Variants in DLGAP1 observed in about 807,000 individuals in gnomAD.
DLGAP1 encodes the protein disks large-associated protein 1.
A neutral mutation model predicts 90.8 loss-of-function variants in DLGAP1; 11 were observed. The ratio of observed to expected loss-of-function variants is 0.12; its 90% CI spans 0.08 to 0.20. The LOEUF is 0.20. Among genes scored for constraint, DLGAP1 ranks in the 10% least tolerant of loss-of-function variants. The probability of loss-of-function intolerance (pLI) is 1.00; values close to 1 mark genes in which losing one functional copy is unlikely to be tolerated. For missense variants in DLGAP1, 1,050 were observed against 1,333.8 expected, an observed-to-expected ratio of 0.79 and a Z score of 3.31; for synonymous variants, 558 against 540.7, an observed-to-expected ratio of 1.03 and a Z score of -0.44.
intron 4 of DLGAP1, among the ~76,000 whole-genome samples, chr18:3,845,935 T>G (rs1248378675): frequency 6.6e-6 from 1 of 152,220 alleles, no homozygotes; most frequent in Non-Finnish European, 1.5e-5. Context: ...TCATTCATTT[T>G]CTTCAAAAGA....
intron 7 of DLGAP1, among the ~76,000 whole-genome samples, chr18:3,624,880 C>G (rs2058234644): frequency 6.6e-6 from 1 of 151,958 alleles, no homozygotes. Context: ...TAAGACCCAC[C>G]CAGGTAGTAC....
intron 5 of DLGAP1, among the ~76,000 whole-genome samples, chr18:3,808,131 A>T (rs1053725951): frequency 2.0e-5 from 3 of 152,152 alleles, no homozygotes; most frequent in Non-Finnish European, 4.4e-5. Context: ...TTCTTTTTTA[A>T]ATAAAGCTGA....
intron 2 of DLGAP1, among the ~76,000 whole-genome samples, chr18:4,124,109 A>T (rs1211441215): frequency 6.6e-6 from 1 of 152,190 alleles, no homozygotes; most frequent in African/African-American, 2.4e-5. Context: ...TTTTCTTCAC[A>T]ACTGACTGCT....
intron 2 of DLGAP1, among the ~76,000 whole-genome samples, chr18:4,125,853 T>A (rs755217988): frequency 6.6e-5 from 10 of 152,104 alleles, no homozygotes; most frequent in Non-Finnish European, 1.5e-4. Context: ...GTCCTAAAAT[T>A]AGAGCAGGGC....
intron 2 of DLGAP1, among the ~76,000 whole-genome samples, chr18:4,126,104 G>T (rs572500574): frequency 2.0e-5 from 3 of 152,306 alleles, no homozygotes; most frequent in African/African-American, 7.2e-5. Context: ...TGAAGCACCT[G>T]GCCAAGGCAG....
intron 4 of DLGAP1, among the ~76,000 whole-genome samples, chr18:3,834,612 G>A (rs1001738984): frequency 5.3e-5 from 8 of 152,104 alleles, no homozygotes; most frequent in Non-Finnish European, 1.0e-4. Flanking sequence ...GAATGTGTAC[G>A]TACACATATA....
At chr18:4,113,996 C>A (rs1051442546) in intron 2 of DLGAP1, among the ~76,000 whole-genome samples, 1 of 146,926 alleles carries the variant, frequency 6.8e-6, no homozygotes, top group African/African-American at 2.5e-5. Context: ...CAGTACCATG[C>A]TGTTTTAATT....
At chr18:4,322,949 A>C (rs999415744) in intron 1 of DLGAP1, among the ~76,000 whole-genome samples, 14,571 of 97,608 alleles carry the variant, frequency 0.15, 298 homozygotes, top group East Asian at 0.24. Flanking sequence ...CACAGAAAAA[A>C]AAAAAAAAAA....
At chr18:3,534,979 A>G (rs1419726619) in intron 9 of DLGAP1, among the ~76,000 whole-genome samples, 1 of 151,916 alleles carries the variant, frequency 6.6e-6, no homozygotes, top group East Asian at 1.9e-4. Context: ...GGTGTGAGCC[A>G]CCGTGCCTGG....
chr18:3,563,887 C>T (rs1202635348), intron 9 of DLGAP1, among the ~76,000 whole-genome samples: 5 of 152,146 alleles, frequency 3.3e-5, no homozygotes, highest in Admixed American at 3.3e-4. Context: ...CAAAGATATT[C>T]TTTGTTTCTA....
intron 1 of DLGAP1, among the ~76,000 whole-genome samples, chr18:4,196,210 T>C (rs1568445233): frequency 6.6e-6 from 1 of 152,062 alleles, no homozygotes; most frequent in Admixed American, 6.5e-5. Flanking sequence ...AAAGGAGACA[T>C]AGGAGAGCTC....
At chr18:3,507,825 C>T (rs1245335168) in intron 11 of DLGAP1, among the ~76,000 whole-genome samples, 1 of 150,954 alleles carries the variant, frequency 6.6e-6, no homozygotes, top group African/African-American at 2.4e-5. Context: ...CAACCTCCGC[C>T]TCCTGGGTTC....
chr18:4,255,464 G>A (rs2078868980), intron 1 of DLGAP1, among the ~76,000 whole-genome samples: 1 of 148,376 alleles, frequency 6.7e-6, no homozygotes, highest in African/African-American at 2.5e-5. Flanking sequence ...ACAGCCAAAA[G>A]AGAGATATAC....
intron 7 of DLGAP1, among the ~76,000 whole-genome samples, chr18:3,638,311 A>G (rs1050501943): frequency 5.4e-5 from 8 of 148,230 alleles, no homozygotes; most frequent in African/African-American, 1.8e-4. Flanking sequence ...GCAGTGGTGC[A>G]ATCATAGCTC....
chr18:4,034,940 T>C (rs890269579), intron 2 of DLGAP1, among the ~76,000 whole-genome samples: 3 of 152,114 alleles, frequency 2.0e-5, no homozygotes, highest in Admixed American at 6.6e-5. Flanking sequence ...TCTTGTTCTG[T>C]CCTTGTGATA....
At chr18:4,176,351 C>G (rs561053504) in intron 1 of DLGAP1, among the ~76,000 whole-genome samples, 42 of 152,196 alleles carry the variant, frequency 2.8e-4, no homozygotes, top group Non-Finnish European at 5.7e-4. Context: ...TGTATATCCT[C>G]TTCACTAGTC....
intron 2 of DLGAP1, among the ~76,000 whole-genome samples, chr18:4,102,781 C>T (rs928726370): frequency 1.1e-4 from 16 of 152,144 alleles, no homozygotes; most frequent in Middle Eastern, 3.2e-3. Flanking sequence ...TCTACACATA[C>T]TTGAATGTAT....
chr18:4,153,380 T>C (rs8095457), intron 1 of DLGAP1, among the ~76,000 whole-genome samples: 1,720 of 152,342 alleles, frequency 0.011, 28 homozygotes, highest in African/African-American at 0.039. Context: ...ACTCATTATA[T>C]AGAGAAGGGC....
chr18:4,129,587 C>T (rs144480162), intron 2 of DLGAP1, among the ~76,000 whole-genome samples: 4 of 152,076 alleles, frequency 2.6e-5, no homozygotes, highest in Non-Finnish European at 2.9e-5. Context: ...AGGAACACTG[C>T]GACTTTTCCT....
Sources: gnomAD v4.1 joint callset for allele counts (sites outside exome capture counted in the v4.1 genomes callset) on GRCh38, gnomAD v4.1.1 for gene constraint, MANE v1.5 for transcripts, NCBI Gene and HGNC (gene_info 2026-07-23, HGNC 2026-07-21) for gene names.